Variants in METTL13 observed in about 807,000 individuals in gnomAD.
METTL13 encodes eEF1A lysine and N-terminal methyltransferase.
METTL13 carries 52 observed loss-of-function variants against 67.4 expected under a neutral mutation model. That is an observed-to-expected ratio of 0.77 (90% CI 0.62 to 0.97). METTL13 has a LOEUF of 0.97. METTL13 is among the 50% of genes least tolerant of loss of function. The pLI is 0.00. For missense variants in METTL13, 825 were observed against 889.6 expected, an observed-to-expected ratio of 0.93 and a Z score of 0.92; for synonymous variants, 354 against 353.6, an observed-to-expected ratio of 1.00 and a Z score of -0.01.
chr1:171,796,054 C>T (rs1395653196), intron 7 of METTL13, among the ~76,000 whole-genome samples: 1 of 151,880 alleles, frequency 6.6e-6, no homozygotes, highest in Non-Finnish European at 1.5e-5. Context: ...TTTAGTAGAG[C>T]CGGGGTTTCA....
At chr1:171,790,006 C>T (rs1468300594) in intron 4 of METTL13, among the ~76,000 whole-genome samples, 2 of 152,124 alleles carry the variant, frequency 1.3e-5, no homozygotes, top group Non-Finnish European at 2.9e-5. Flanking sequence ...GCAGACTGTA[C>T]AAGAAGCATG....
intron 6 of METTL13, 142 bp downstream of exon 6, chr1:171,792,377 C>T: frequency 2.2e-6 from 2 of 916,628 alleles, no homozygotes; most frequent in Non-Finnish European, 3.3e-6. Context: ...TGTTGATATA[C>T]TTATTCACTA....
At chr1:171,794,343 A>G (rs1657296813) in intron 6 of METTL13, 53 bp from the exon 7 acceptor site, 3 of 1,611,546 alleles carry the variant, frequency 1.9e-6, no homozygotes, top group African/African-American at 1.3e-5. Context: ...TGGAATGTAA[A>G]TGGTATTATT....
chr1:171,786,192 C>T (rs1657004611), intron 3 of METTL13, 114 bp downstream of exon 3: 1 of 1,141,524 alleles, frequency 8.8e-7, no homozygotes, highest in African/African-American at 1.6e-5. Context: ...TTCATCTAAT[C>T]CTGGAGGGGT....
rs1490823828 is a variant in METTL13, at chr1:171,781,872, C to T, written c.-96C>T. 6 of 1,550,084 alleles carry T rather than the reference C, an allele frequency of 3.9e-6. No individual in the cohort carries two copies. The highest frequency in any genetic ancestry group is 5.2e-6 in the Non-Finnish European group (6 of 1,149,038). ...TTTTCCGTGGAAAGAATTCCCACTG[C>T]AGTGTCCCGGAGCCTGCGTGTGGTG... On this transcript the variant is annotated 5_prime_UTR_variant, in exon 1 of 8. Transcript: ENST00000361735.
chr1:171,782,108 G>A lies in METTL13; in HGVS notation c.141G>A (p.Lys47=), dbSNP rs774369000. Residue 47 remains lysine, a synonymous_variant, in exon 1 of 8, where the codon AAG becomes AAA. Coordinates refer to ENST00000361735, the MANE Select transcript of METTL13 (RefSeq NM_015935.5). Reference sequence around the variant, plus strand: ...GCGGGGTGCTACATAAATATATCAAGCCCAGGGAAAAGGTGAGGAGCGCGG... The same window carrying A: ...GCGGGGTGCTACATAAATATATCAAACCCAGGGAAAAGGTGAGGAGCGCGG... ...ELCGVLHKYI[K]PREKVLVIGC... is the part of the protein sequence containing the mutation. 9.3e-6 allele frequency: 15 copies of A among 1,613,858 alleles called. No homozygotes were observed. In the Admixed American group the frequency reaches 1.0e-4, roughly 11 times the overall value.
intron 3 of METTL13, among the ~76,000 whole-genome samples, chr1:171,786,333 C>T (rs1465835184): frequency 6.6e-6 from 1 of 152,182 alleles, no homozygotes; most frequent in Non-Finnish European, 1.5e-5. Flanking sequence ...TGGAAATGCT[C>T]TACTCATTGC....
intron 5 of METTL13, among the ~76,000 whole-genome samples, chr1:171,791,643 T>C (rs1657209157): frequency 6.6e-6 from 1 of 152,122 alleles, no homozygotes; most frequent in Non-Finnish European, 1.5e-5. Context: ...TTTTTCTACT[T>C]TCTATAGACA....
rs933734466 is a variant in METTL13 at position 171,794,449 on chromosome 1, C to T, written c.1747C>T (p.Leu583=). The T allele has an allele frequency of 2.5e-6, 4 of 1,614,228 alleles. No individual in the cohort carries two copies. The highest frequency in any genetic ancestry group is 1.7e-5 in the Admixed American group (1 of 60,026). ...MFDVDSKDPT[L]GMSCPPPAFV... ...TGATGTTGACAGTAAGGACCCAACA[C>T]TGGGAATGAGTTGTCCGCCCCCAGC... Residue 583 remains leucine (L), a synonymous_variant, in exon 7 of 8, where the codon CTG becomes TTG. Coordinates refer to ENST00000361735, the MANE Select transcript of METTL13 (RefSeq NM_015935.5).
intron 5 of METTL13, among the ~76,000 whole-genome samples, chr1:171,791,734 G>T (rs997420792): frequency 3.9e-5 from 6 of 152,136 alleles, no homozygotes; most frequent in Admixed American, 3.9e-4. Context: ...AAAGTGCTGG[G>T]ATTACAGGTG....
chr1:171,781,982 T>C lies in METTL13; in HGVS notation c.15T>C (p.Pro5=). MNLL[P]KSSREFGSVD... ...GCAGTAGGAACATGAACCTCTTACCTAAAAGTTCCAGGGAGTTTGGCTCCG... is the reference window on the plus strand; with the variant it reads ...GCAGTAGGAACATGAACCTCTTACCCAAAAGTTCCAGGGAGTTTGGCTCCG... The change falls in exon 1 of 8, where the codon CCT becomes CCC. Residue 5 remains proline (P), a synonymous_variant. Transcript: ENST00000361735. The C allele has an allele frequency of 6.2e-7, 1 of 1,614,158 alleles. No homozygotes were observed. Among genetic ancestry groups the C allele is most frequent in the Non-Finnish European group, 8.5e-7 (1 of 1,180,030 alleles).
chr1:171,782,283 C>A (rs1656852297), intron 1 of METTL13, among the ~76,000 whole-genome samples, 163 bp downstream of exon 1: 1 of 152,020 alleles, frequency 6.6e-6, no homozygotes, highest in South Asian at 2.1e-4. Context: ...CTAGAATATT[C>A]TTTCAGGCCG....
At chr1:171,791,922 A>T in intron 5 of METTL13, 95 bp from the exon 6 acceptor site, 1 of 1,249,302 alleles carries the variant, frequency 8.0e-7, no homozygotes, top group African/African-American at 1.5e-5. Flanking sequence ...CTGAATGGAG[A>T]CAGTGAGCTG....
At position 171,784,418 on chromosome 1, in the gene METTL13, G is replaced by A. The variant is rs777365654; in HGVS notation, c.832G>A (p.Gly278Arg). Residue 278 changes from glycine to arginine, a missense_variant, in exon 2 of 8, where the codon GGG (glycine) becomes AGG (arginine). Gly to Arg is a moderately radical substitution (Grantham distance 125). Coordinates refer to ENST00000361735, the MANE Select transcript of METTL13 (RefSeq NM_015935.5). ...TCTGGACTTGTGCGATGGGGACACG[G>A]GGGAGCCACGCTACACCCTCCACGT... ...VSLDLCDGDT[G>R]EPRYTLHVVD... is the part of the protein sequence containing the mutation. 1.3e-6 allele frequency: 2 copies of A among 1,540,916 alleles called. No individual in the cohort carries two copies. Among genetic ancestry groups the A allele is most frequent in the Non-Finnish European group, 1.7e-6 (2 of 1,145,858 alleles).
chr1:171,790,770 T>A, intron 5 of METTL13, 154 bp downstream of exon 5: 1 of 782,462 alleles, frequency 1.3e-6, no homozygotes, highest in Non-Finnish European at 1.8e-6. Flanking sequence ...ATGAGCATTC[T>A]AATTAACTGT....
rs777226189 is a variant in METTL13 at position 171,784,364 on chromosome 1, C to T, written c.778C>T (p.Arg260Cys). 1.7e-5 allele frequency: 26 copies of T among 1,575,100 alleles called. No individual in the cohort carries two copies. Among genetic ancestry groups the T allele is most frequent in the East Asian group, 2.2e-5 (1 of 44,632 alleles). Reference sequence around the variant, plus strand: ...GTATGCCTGGCTGTGCAGCCAGCTGCGCCGCAAGGCCAGGCTGGGGAGTGT... The same window carrying T: ...GTATGCCTGGCTGTGCAGCCAGCTGTGCCGCAAGGCCAGGCTGGGGAGTGT... ...QQYAWLCSQL[R>C]RKARLGSVSL... The change falls in exon 2 of 8, where the codon CGC (arginine) becomes TGC (cysteine). Residue 260 changes from arginine (R) to cysteine (C), a missense_variant. Arg to Cys is a radical substitution (Grantham distance 180). Coordinates refer to ENST00000361735, the MANE Select transcript of METTL13 (RefSeq NM_015935.5).
Position 171,781,793 on chromosome 1 carries a change from C to T in METTL13, c.-175C>T, listed in dbSNP as rs1656827273. The T allele has an allele frequency of 4.2e-6, 6 of 1,425,692 alleles. No individual in the cohort carries two copies. Among genetic ancestry groups the T allele is most frequent in the Admixed American group, 5.8e-5 (2 of 34,710 alleles). The allele number at this position is 1,425,692 out of a possible 1,614,324, so 88.3% of individuals were successfully genotyped here. A position where few individuals can be genotyped will look rare whatever the true frequency, so the allele number is the denominator to read the frequency against. ...TTCAGTGGTCCATGCGTGCGTTTGT[C>T]GTGTAAGGGTCATTCCTGGGGTTTG... is the stretch of plus-strand genomic sequence containing the variant. On this transcript the variant is annotated 5_prime_UTR_variant, in exon 1 of 8. Coordinates refer to ENST00000361735, the MANE Select transcript of METTL13 (RefSeq NM_015935.5).
rs981030591 is a variant in METTL13, at chr1:171,784,331, C to T, written c.745C>T (p.Arg249Ter). Residue 249 changes from arginine to a stop codon, truncating the protein, a stop_gained, in exon 2 of 8, where the codon CGA becomes TGA. Coordinates refer to ENST00000361735, the MANE Select transcript of METTL13 (RefSeq NM_015935.5). LOFTEE classifies it high-confidence loss of function. ...GCGGCTGGCCGAGGCGGTGCAGGAG[C>T]GACAGCAGTATGCCTGGCTGTGCAG... is the stretch of plus-strand genomic sequence containing the variant. ...AERLAEAVQERQQYAWLCSQL... is the reference protein window; with the variant it reads ...AERLAEAVQE The T allele has an allele frequency of 3.8e-6, 6 of 1,593,762 alleles. No individual in the cohort carries two copies. Among genetic ancestry groups the T allele is most frequent in the African/African-American group, 1.3e-5 (1 of 74,786 alleles).
In METTL13 at chr1:171,787,717, C is replaced by T. The variant is rs772832870; in HGVS notation, c.1114-18C>T. 6.2e-7 allele frequency: 1 copy of T among 1,605,692 alleles called. No homozygotes were observed. The highest frequency in any genetic ancestry group is 8.5e-7 in the Non-Finnish European group (1 of 1,173,270). On this transcript the variant is annotated intron_variant, in intron 3 of 7. Transcript: ENST00000361735. ...AAATGAGCTGCTGTTTTGACCACAT[C>T]TCTGGTTGTACCTTCAGGTCCCCTT...
Sources: gnomAD v4.1 joint callset for allele counts (sites outside exome capture counted in the v4.1 genomes callset) on GRCh38, gnomAD v4.1.1 for gene constraint, MANE v1.5 for transcripts, NCBI Gene and HGNC (gene_info 2026-07-23, HGNC 2026-07-21) for gene names.